CWC27: variants seen among roughly 807,000 people sequenced by gnomAD.
CWC27 encodes the protein spliceosome-associated protein CWC27 homolog.
In CWC27, 47 loss-of-function variants were observed where a neutral mutation model predicts 63.6. That is an observed-to-expected ratio of 0.74 (90% CI 0.58 to 0.94). The LOEUF (loss-of-function observed/expected upper bound fraction) is 0.94, where lower values mean the gene tolerates loss of function less well. Ranked by LOEUF, CWC27 falls within the 40% of genes least tolerant of loss-of-function variation. CWC27 has a pLI of 0.00. For synonymous variants in CWC27, 175 were observed against 179.8 expected, an observed-to-expected ratio of 0.97 and a Z score of 0.22; for missense variants, 495 against 554.3, an observed-to-expected ratio of 0.89 and a Z score of 1.07.
rs4700652 is a variant in CWC27, at chr5:64,840,394, A to C, written c.938+36008A>C. On this transcript the variant is annotated intron_variant, in intron 10 of 13. Transcript: ENST00000381070. ...AAAAAAAAAAAAAAAAAAAAAAAAA[A>C]ATATATATATATATATATATATATA... is the stretch of plus-strand genomic sequence containing the variant. Among the ~76,000 whole-genome samples the C allele has an allele frequency of 4.1e-3, 79 of 19,494 alleles. 4 individuals carry two copies. The highest frequency in any genetic ancestry group is 0.016 in the South Asian group (5 of 304). 12.8% of individuals were successfully genotyped at this position (19,494 alleles called of 152,430 possible). A position where few individuals can be genotyped will look rare whatever the true frequency, so the allele number is the denominator to read the frequency against.
In CWC27 at chr5:64,971,758, G is replaced by C; in HGVS notation, c.1098G>C (p.Lys366Asn). 1 of 1,612,316 alleles carries C rather than the reference G, an allele frequency of 6.2e-7. No homozygotes were observed. The highest frequency in any genetic ancestry group is 8.5e-7 in the Non-Finnish European group (1 of 1,179,260). ...AVAEYRREKQ[K>N]YEALRKQQSK... is the part of the protein sequence containing the mutation. ...CCGAATACAGAAGAGAAAAGCAAAA[G>C]TATGAAGCTTTGAGGAAGCAACAGT... Residue 366 changes from lysine (K) to asparagine (N), a missense_variant, in exon 12 of 14, where the codon AAG becomes AAC. Coordinates refer to ENST00000381070, the MANE Select transcript of CWC27 (RefSeq NM_005869.4).
intron 11 of CWC27, among the ~76,000 whole-genome samples, chr5:64,907,016 A>G (rs938123548): frequency 3.3e-5 from 5 of 151,984 alleles, no homozygotes; most frequent in East Asian, 1.9e-4. Flanking sequence ...GTTCTGTTCT[A>G]TTGTTCTGTA....
intron 11 of CWC27, among the ~76,000 whole-genome samples, chr5:64,967,225 T>C (rs187512595): frequency 6.6e-6 from 1 of 152,186 alleles, no homozygotes; most frequent in East Asian, 1.9e-4. Context: ...TCCTCACTCC[T>C]ATCTCACACC....
chr5:64,779,121 A>G (rs1743564104), intron 2 of CWC27, among the ~76,000 whole-genome samples: 1 of 152,188 alleles, frequency 6.6e-6, no homozygotes, highest in Non-Finnish European at 1.5e-5. Flanking sequence ...TGAATGAGTT[A>G]TATTCAGGTT....
chr5:64,983,807 G>A (rs36050966), intron 13 of CWC27, among the ~76,000 whole-genome samples: 3 of 152,094 alleles, frequency 2.0e-5, no homozygotes, highest in African/African-American at 4.8e-5. Context: ...ACACAAAGTA[G>A]TATTTAAATA....
chr5:64,803,604 A>T (rs1744558629), intron 9 of CWC27, among the ~76,000 whole-genome samples: 1 of 152,168 alleles, frequency 6.6e-6, no homozygotes, highest in African/African-American at 2.4e-5. Context: ...TCTGAAGGAG[A>T]TGAAAGAGCA....
intron 11 of CWC27, among the ~76,000 whole-genome samples, chr5:64,886,028 G>C (rs1279477908): frequency 6.6e-6 from 1 of 151,938 alleles, no homozygotes; most frequent in African/African-American, 2.4e-5. Flanking sequence ...TTTGTGTGTT[G>C]GTTTGAATAG....
At chr5:64,827,832 T>C (rs891781222) in intron 10 of CWC27, among the ~76,000 whole-genome samples, 3 of 152,154 alleles carry the variant, frequency 2.0e-5, no homozygotes, top group South Asian at 2.1e-4. Context: ...TCCAGAAATA[T>C]ATAATTCATA....
chr5:64,793,352 G>C (rs1744145327), intron 7 of CWC27, among the ~76,000 whole-genome samples: 1 of 152,144 alleles, frequency 6.6e-6, no homozygotes. Flanking sequence ...TGGACAAGTA[G>C]GTAAGTTTAG....
intron 13 of CWC27, among the ~76,000 whole-genome samples, chr5:65,016,180 A>G (rs1296609455): frequency 6.6e-6 from 1 of 152,206 alleles, no homozygotes; most frequent in Non-Finnish European, 1.5e-5. Flanking sequence ...TAGGAAATTG[A>G]ACGCACAAGA....
chr5:64,846,367 A>T (rs1158061052), intron 10 of CWC27, among the ~76,000 whole-genome samples: 2 of 152,260 alleles, frequency 1.3e-5, no homozygotes, highest in South Asian at 2.1e-4. Flanking sequence ...ATTAAAAATG[A>T]TGTAAATTCT....
intron 11 of CWC27, among the ~76,000 whole-genome samples, chr5:64,971,040 AT>A (rs1749116923): frequency 6.6e-6 from 1 of 151,090 alleles, no homozygotes; most frequent in Non-Finnish European, 1.5e-5. Flanking sequence ...CATGTGAGGT[AT>A]TATAAAATGT....
chr5:65,010,205 A>C (rs947948384), intron 13 of CWC27, among the ~76,000 whole-genome samples: 7 of 152,220 alleles, frequency 4.6e-5, no homozygotes, highest in Non-Finnish European at 7.3e-5. Flanking sequence ...GGGCTTTGAA[A>C]AAAACAGGGA....
chr5:64,785,484 A>G lies in CWC27; in HGVS notation c.400A>G (p.Thr134Ala). The change falls in exon 5 of 14, where the codon ACA becomes GCA. Residue 134 changes from threonine (T) to alanine (A), a missense_variant. By Grantham distance (58) the Thr-to-Ala change is moderately conservative. This residue lies in a region of CWC27 where 463 missense variants were observed against 498.1 expected (regional missense o/e 0.93). Coordinates refer to ENST00000381070, the MANE Select transcript of CWC27 (RefSeq NM_005869.4). ...CATTATATTTTTAATTTGATAGGTT[A>G]CAGGGGATACAGTATATAACATGTT... Reference protein sequence around the residue: ...NNKHTIFGKVTGDTVYNMLRL... With the variant: ...NNKHTIFGKVAGDTVYNMLRL... 7.1e-7 allele frequency: 1 copy of G among 1,402,856 alleles called. No homozygotes were observed. The highest frequency in any genetic ancestry group is 1.7e-5 in the South Asian group (1 of 57,360). 86.9% of individuals were successfully genotyped at this position (1,402,856 alleles called of 1,614,324 possible).
chr5:64,922,593 C>T (rs1297797391), intron 11 of CWC27, among the ~76,000 whole-genome samples: 1 of 152,158 alleles, frequency 6.6e-6, no homozygotes, highest in Non-Finnish European at 1.5e-5. Flanking sequence ...GCTTCCTTGC[C>T]ATTCAGATTC....
At chr5:64,885,102 T>C (rs1173736243) in intron 10 of CWC27, among the ~76,000 whole-genome samples, 1 of 152,150 alleles carries the variant, frequency 6.6e-6, no homozygotes, top group Non-Finnish European at 1.5e-5. Flanking sequence ...GTAATATTTA[T>C]ATTAAAAATT....
In CWC27 at chr5:64,898,345, A is replaced by G. The variant is rs142949132; in HGVS notation, c.1042+12799A>G. Among the ~76,000 whole-genome samples, 314 of 152,304 alleles carry G rather than the reference A, an allele frequency of 2.1e-3. 1 individual carries two copies. The highest frequency in any genetic ancestry group is 7.4e-3 in the African/African-American group (307 of 41,586). On this transcript the variant is annotated intron_variant, in intron 11 of 13. Transcript: ENST00000381070. ...AAAAAAAAAATACAAAACGCAGGCA[A>G]AATTAGCCCAATGAAGTAGAAGGAA...
intron 10 of CWC27, among the ~76,000 whole-genome samples, chr5:64,852,415 C>T (rs1035205510): frequency 6.6e-6 from 1 of 152,070 alleles, no homozygotes; most frequent in Non-Finnish European, 1.5e-5. Flanking sequence ...CTAAGATCTA[C>T]TTCAGGGAGG....
chr5:64,919,561 T>C (rs1747957544), intron 11 of CWC27, among the ~76,000 whole-genome samples: 2 of 152,190 alleles, frequency 1.3e-5, no homozygotes, highest in Non-Finnish European at 2.9e-5. Context: ...TTTGTGGCCA[T>C]GTGTATTCAG....
Sources: allele counts gnomAD v4.1 joint callset (sites outside exome capture counted in the v4.1 genomes callset), GRCh38; gene constraint gnomAD v4.1.1; regional missense constraint gnomAD v4.1.1; transcripts MANE v1.5; gene names NCBI Gene and HGNC (gene_info 2026-07-23, HGNC 2026-07-21).